Variants in ZBTB38 observed in about 807,000 individuals in gnomAD.
ZBTB38 encodes zinc finger and BTB domain-containing protein 38.
In ZBTB38, 20 loss-of-function variants were observed where a neutral mutation model predicts 76.8. The observed-to-expected ratio is 0.26, with a 90% CI of 0.18 to 0.38. The LOEUF is 0.38. ZBTB38 is among the 10% of genes least tolerant of loss of function. The pLI, the probability that ZBTB38 is intolerant of heterozygous loss-of-function variation, is 1.00. For synonymous variants in ZBTB38, 504 were observed against 544.2 expected (o/e 0.93, Z 1.03); for missense variants, 1,082 against 1,482.3 (o/e 0.73, Z 4.43).
At chr3:141,371,242 G>C (rs903966058) in intron 2 of ZBTB38, among the ~76,000 whole-genome samples, 5 of 151,440 alleles carry the variant, frequency 3.3e-5, no homozygotes, top group African/African-American at 1.2e-4. Flanking sequence ...TAGTAGAGAT[G>C]GGGTTTCACC....
chr3:141,446,109 A>G lies in ZBTB38; in HGVS notation c.*133A>G, dbSNP rs761120609. ...AAAAAAAAAAAAAACTCATTTGTGA[A>G]AATTCCAGAAAAAGGATCCTAATAT... On this transcript the variant is annotated 3_prime_UTR_variant, in exon 6 of 6. Coordinates refer to ENST00000321464, the MANE Select transcript of ZBTB38 (RefSeq NM_001376113.1). 2.5e-5 allele frequency: 22 copies of G among 871,470 alleles called. No homozygotes were observed. The highest frequency in any genetic ancestry group is 3.4e-5 in the Non-Finnish European group (21 of 621,312). The allele number at this position is 871,470 out of a possible 1,614,324, so 54.0% of individuals were successfully genotyped here.
At chr3:141,381,534 G>C (rs371000901) in intron 3 of ZBTB38, 47 bp downstream of exon 3, 23 of 152,244 alleles carry the variant, frequency 1.5e-4, no homozygotes, top group African/African-American at 5.5e-4. Context: ...ATGGATGGAC[G>C]TGAGGATGCT....
chr3:141,421,810 A>G (rs769086282), intron 5 of ZBTB38, among the ~76,000 whole-genome samples: 2 of 152,238 alleles, frequency 1.3e-5, no homozygotes, highest in African/African-American at 4.8e-5. Flanking sequence ...TATCTAAAAC[A>G]TCCCAAGCTC....
upstream of ZBTB38, chr3:141,368,269 G>T (rs1944054004): frequency 6.5e-6 from 1 of 152,734 alleles, no homozygotes; most frequent in Admixed American, 6.5e-5. Context: ...ATCTGTCTGG[G>T]GCTGTTCCGG....
intron 2 of ZBTB38, among the ~76,000 whole-genome samples, chr3:141,374,287 T>C (rs1455351811): frequency 6.6e-6 from 1 of 152,220 alleles, no homozygotes; most frequent in Non-Finnish European, 1.5e-5. Flanking sequence ...GCATGTTTGA[T>C]TGTAGGCCAG....
intron 1 of ZBTB38, among the ~76,000 whole-genome samples, chr3:141,334,541 T>C (rs1055022834): frequency 1.3e-5 from 2 of 151,852 alleles, no homozygotes; most frequent in Non-Finnish European, 2.9e-5. Flanking sequence ...GGGAAGGATA[T>C]ATTGTTAAAT....
At chr3:141,400,108 A>G (rs772854898) in intron 4 of ZBTB38, among the ~76,000 whole-genome samples, 3 of 150,352 alleles carry the variant, frequency 2.0e-5, no homozygotes, top group Non-Finnish European at 4.4e-5. Context: ...GAAAATAATT[A>G]TGACAACTTG....
At chr3:141,420,033 G>T (rs559550205) in intron 5 of ZBTB38, among the ~76,000 whole-genome samples, 5 of 152,274 alleles carry the variant, frequency 3.3e-5, no homozygotes, top group African/African-American at 1.2e-4. Context: ...CAGGAATGAG[G>T]CTGGGTGTTT....
chr3:141,366,796 C>G (rs999310021), upstream of ZBTB38: 3 of 152,316 alleles, frequency 2.0e-5, no homozygotes, highest in African/African-American at 7.2e-5. Context: ...TTGTCTTCCT[C>G]TTGGAATGAG....
At chr3:141,434,246 T>C (rs2078246582) in intron 5 of ZBTB38, 2 of 970,530 alleles carry the variant, frequency 2.1e-6, no homozygotes, top group Non-Finnish European at 2.4e-6. Flanking sequence ...GATTGCCAGG[T>C]AGGGGAACTA....
rs562055417 is a variant in ZBTB38, at chr3:141,448,246, G to A, written c.*2270G>A. The A allele has an allele frequency of 6.6e-6, 1 of 152,596 alleles. No homozygotes were observed. Among genetic ancestry groups the A allele is most frequent in the Non-Finnish European group, 1.5e-5 (1 of 67,978 alleles). The allele number at this position is 152,596 out of a possible 1,614,324, so 9.5% of individuals were successfully genotyped here. The stretch of plus-strand genomic sequence containing the variant: ...TGTATGCTGATAATTCTAGACCAAA[G>A]TAAATATGGCAGAATATTTATACAT... On this transcript the variant is annotated 3_prime_UTR_variant, in exon 6 of 6. Transcript: ENST00000321464.
rs564779816 is a variant in ZBTB38, at chr3:141,362,073, C to T, written c.-738-6548C>T. On this transcript the variant is annotated intron_variant, in intron 1 of 7. Coordinates refer to the ZBTB38 transcript ENST00000509842. ...TTTATTCTATCACTTGCAACCCATGCTGACCCACTAAATAATGAGTCCTGA... is the reference window on the plus strand; with the variant it reads ...TTTATTCTATCACTTGCAACCCATGTTGACCCACTAAATAATGAGTCCTGA... Among the ~76,000 whole-genome samples, 5 of 152,286 alleles carry T rather than the reference C, an allele frequency of 3.3e-5. No homozygotes were observed. In the East Asian group the frequency reaches 9.6e-4, roughly 29 times the overall value.
At chr3:141,358,648 C>A (rs1943732020) in intron 1 of ZBTB38, among the ~76,000 whole-genome samples, 1 of 152,100 alleles carries the variant, frequency 6.6e-6, no homozygotes, top group African/African-American at 2.4e-5. Context: ...ACAAATGCAA[C>A]CATCAACATA....
chr3:141,416,662 G>A (rs1331187047), intron 5 of ZBTB38, among the ~76,000 whole-genome samples: 1 of 152,178 alleles, frequency 6.6e-6, no homozygotes, highest in Non-Finnish European at 1.5e-5. Flanking sequence ...TTGGGAAAAG[G>A]GTCTTCACAG....
At chr3:141,407,471 TCA>T (rs1472770141) in intron 5 of ZBTB38, among the ~76,000 whole-genome samples, 1 of 152,260 alleles carries the variant, frequency 6.6e-6, no homozygotes, top group Non-Finnish European at 1.5e-5. Flanking sequence ...TCCCTTCCCC[TCA>T]CAACCTTGTA....
In ZBTB38 at chr3:141,381,470, C is replaced by T. The variant is rs1286348511; in HGVS notation, c.-189C>T. The T allele has an allele frequency of 1.3e-5, 2 of 152,304 alleles. No individual in the cohort carries two copies. The highest frequency in any genetic ancestry group is 4.8e-5 in the African/African-American group (2 of 41,458). The allele number at this position is 152,304 out of a possible 1,614,324, so 9.4% of individuals were successfully genotyped here. ...CCAGTTTGGTCCACAAGGCTTGCTG[C>T]CCAATCTTTGCCAACAGGTATGTAC... is the stretch of plus-strand genomic sequence containing the variant. On this transcript the variant is annotated 5_prime_UTR_variant, in exon 3 of 6. Coordinates refer to ENST00000321464, the MANE Select transcript of ZBTB38 (RefSeq NM_001376113.1).
intron 1 of ZBTB38, among the ~76,000 whole-genome samples, chr3:141,329,580 A>G (rs766627208): frequency 3.3e-5 from 5 of 152,238 alleles, no homozygotes; most frequent in Non-Finnish European, 7.3e-5. Context: ...GGCAAGACAT[A>G]CAAGTTATAA....
chr3:141,439,043 G>A (rs1577485353), intron 5 of ZBTB38, among the ~76,000 whole-genome samples: 2 of 151,320 alleles, frequency 1.3e-5, no homozygotes, highest in South Asian at 4.2e-4. Flanking sequence ...CTTATTTATG[G>A]AAGTAATCCA....
chr3:141,402,381 C>T (rs1009504834), intron 4 of ZBTB38: 12 of 151,540 alleles, frequency 7.9e-5, no homozygotes, highest in African/African-American at 2.9e-4. Context: ...GCGCTGCGGC[C>T]GGACTCACGG....
Sources: gnomAD v4.1 joint callset for allele counts (sites outside exome capture counted in the v4.1 genomes callset) on GRCh38, gnomAD v4.1.1 for gene constraint, MANE v1.5 for transcripts, NCBI Gene and HGNC (gene_info 2026-07-23, HGNC 2026-07-21) for gene names.